The following ZFYVE9 variants were observed in gnomAD, a reference collection of about 807,000 sequenced individuals.
ZFYVE9 encodes the protein zinc finger FYVE domain-containing protein 9.
In ZFYVE9, 43 loss-of-function variants were observed where a neutral mutation model predicts 126.7. The observed-to-expected ratio is 0.34, with a 90% CI of 0.27 to 0.44. The LOEUF is 0.44. Ranked by LOEUF, ZFYVE9 falls within the 20% of genes least tolerant of loss-of-function variation. ZFYVE9 has a pLI of 1.00. For synonymous variants in ZFYVE9, 521 were observed against 597.4 expected (o/e 0.87, Z 1.87); for missense variants, 1,476 against 1,697.0 (o/e 0.87, Z 2.29).
intron 1 of ZFYVE9, among the ~76,000 whole-genome samples, chr1:52,168,876 A>G (rs1644538401): frequency 6.6e-6 from 1 of 152,062 alleles, no homozygotes; most frequent in Admixed American, 6.5e-5. Flanking sequence ...AATGTATTGA[A>G]ATTTTGTTGT....
chr1:52,265,493 T>C (rs1192763579), intron 5 of ZFYVE9, among the ~76,000 whole-genome samples: 1 of 152,232 alleles, frequency 6.6e-6, no homozygotes, highest in African/African-American at 2.4e-5. Context: ...TAAAATTTGG[T>C]ATCTTTCATT....
intron 1 of ZFYVE9, among the ~76,000 whole-genome samples, chr1:52,156,726 A>G (rs983609105): frequency 6.6e-6 from 1 of 152,210 alleles, no homozygotes; most frequent in Non-Finnish European, 1.5e-5. Flanking sequence ...CTACTGCTAT[A>G]ATAGGGCCAC....
At chr1:52,219,032 G>A (rs545825131) in intron 2 of ZFYVE9, among the ~76,000 whole-genome samples, 2 of 152,188 alleles carry the variant, frequency 1.3e-5, no homozygotes, top group East Asian at 1.9e-4. Context: ...TTAGGGCGGT[G>A]CGACCCTCTG....
At chr1:52,143,610 C>G (rs1050819137) in intron 1 of ZFYVE9, among the ~76,000 whole-genome samples, 2 of 152,176 alleles carry the variant, frequency 1.3e-5, no homozygotes, top group Non-Finnish European at 2.9e-5. Flanking sequence ...TGGGCTCGTA[C>G]TGACAGTGAT....
chr1:52,188,705 C>T (rs1644788101), intron 1 of ZFYVE9, among the ~76,000 whole-genome samples: 1 of 152,030 alleles, frequency 6.6e-6, no homozygotes, highest in African/African-American at 2.4e-5. Flanking sequence ...ATATAGTAGA[C>T]TGAGGTACAT....
intron 11 of ZFYVE9, among the ~76,000 whole-genome samples, 168 bp downstream of exon 11, chr1:52,293,845 T>C (rs923301801): frequency 2.6e-5 from 4 of 152,132 alleles, no homozygotes; most frequent in Non-Finnish European, 5.9e-5. Flanking sequence ...GCACTGAAAA[T>C]AACGAATGAG....
intron 1 of ZFYVE9, among the ~76,000 whole-genome samples, chr1:52,204,884 T>C (rs1013042782): frequency 2.0e-5 from 3 of 152,162 alleles, no homozygotes; most frequent in Non-Finnish European, 2.9e-5. Flanking sequence ...CCTTGAAGTT[T>C]TTAACTCGCA....
chr1:52,338,934 C>T (rs1646412177), intron 16 of ZFYVE9, among the ~76,000 whole-genome samples: 1 of 152,038 alleles, frequency 6.6e-6, no homozygotes, highest in South Asian at 2.1e-4. Flanking sequence ...TCACTTGAAT[C>T]GGGAGGCGGA....
chr1:52,296,765 A>G (rs1302478477), intron 12 of ZFYVE9, among the ~76,000 whole-genome samples: 5 of 151,988 alleles, frequency 3.3e-5, no homozygotes, highest in African/African-American at 7.3e-5. Context: ...CACTTTGACA[A>G]TGTTCCATAG....
At chr1:52,184,075 G>A (rs2124545743) in intron 1 of ZFYVE9, among the ~76,000 whole-genome samples, 1 of 151,322 alleles carries the variant, frequency 6.6e-6, no homozygotes, top group African/African-American at 2.4e-5. Flanking sequence ...ATGGAGTTAT[G>A]TCATAAATTC....
chr1:52,269,839 G>T (rs1157418721), intron 7 of ZFYVE9, among the ~76,000 whole-genome samples: 1 of 151,648 alleles, frequency 6.6e-6, no homozygotes, highest in Non-Finnish European at 1.5e-5. Context: ...CCAGGCTCCA[G>T]TATAGTGCCG....
At position 52,238,388 on chromosome 1, in the gene ZFYVE9, C is replaced by T; in HGVS notation, c.971C>T (p.Ala324Val). The T allele has an allele frequency of 1.9e-6, 3 of 1,613,920 alleles. No individual in the cohort carries two copies. Among genetic ancestry groups the T allele is most frequent in the East Asian group, 2.2e-5 (1 of 44,880 alleles). ...SEGILMKKEP[A>V]EESTTEESLR... Reference sequence around the variant, plus strand: ...GGGATTTTGATGAAAAAAGAGCCAGCAGAGGAGAGCACCACTGAAGAATCC... The same window carrying T: ...GGGATTTTGATGAAAAAAGAGCCAGTAGAGGAGAGCACCACTGAAGAATCC... Residue 324 changes from alanine to valine, a missense_variant, in exon 4 of 19, where the codon GCA becomes GTA. By Grantham distance (64) the Ala-to-Val change is moderately conservative. Coordinates refer to ENST00000287727, the MANE Select transcript of ZFYVE9 (RefSeq NM_004799.4).
At chr1:52,224,005 G>A (rs956003156) in intron 2 of ZFYVE9, among the ~76,000 whole-genome samples, 14 of 152,164 alleles carry the variant, frequency 9.2e-5, no homozygotes, top group African/African-American at 1.7e-4. Flanking sequence ...CAAAAGGGTC[G>A]TCTAACAGTG....
intron 1 of ZFYVE9, among the ~76,000 whole-genome samples, chr1:52,185,173 A>T (rs9661610): frequency 6.6e-6 from 1 of 152,178 alleles, no homozygotes; most frequent in Non-Finnish European, 1.5e-5. Flanking sequence ...CAACAATTTA[A>T]TACCTACTAG....
At chr1:52,272,825 C>A (rs1199522691) in intron 7 of ZFYVE9, among the ~76,000 whole-genome samples, 1 of 151,540 alleles carries the variant, frequency 6.6e-6, no homozygotes, top group Non-Finnish European at 1.5e-5. Context: ...ACACGCCCAG[C>A]TAATTTTTAT....
At chr1:52,266,415 A>T (rs1426164427) in intron 5 of ZFYVE9, among the ~76,000 whole-genome samples, 2 of 145,058 alleles carry the variant, frequency 1.4e-5, no homozygotes, top group African/African-American at 2.8e-5. Flanking sequence ...TAAAAAAAAA[A>T]AAAAAAAAAA....
intron 12 of ZFYVE9, among the ~76,000 whole-genome samples, chr1:52,301,977 A>G (rs1458316593): frequency 2.0e-5 from 3 of 152,144 alleles, no homozygotes; most frequent in Non-Finnish European, 4.4e-5. Context: ...AAACAATCTC[A>G]ATCAAATACT....
Position 52,238,865 on chromosome 1 carries a change from T to C in ZFYVE9, c.1448T>C (p.Met483Thr). The change falls in exon 4 of 19, where the codon ATG becomes ACG. Residue 483 changes from methionine to threonine, a missense_variant. Met to Thr is a moderately conservative substitution (Grantham distance 81). Transcript: ENST00000287727. ...TCTAATGGTTGTGATTCCTATGGAA[T>C]GCAAGACCCAGGTGTTTCTTTTGTT... ...YLSNGCDSYG[M>T]QDPGVSFVPK... is the part of the protein sequence containing the mutation. 6.2e-7 allele frequency: 1 copy of C among 1,614,132 alleles called. No individual in the cohort carries two copies. Among genetic ancestry groups the C allele is most frequent in the South Asian group, 1.1e-5 (1 of 91,084 alleles).
At chr1:52,278,738 T>C (rs1645773295) in intron 9 of ZFYVE9, 124 bp downstream of exon 9, 1 of 768,150 alleles carries the variant, frequency 1.3e-6, no homozygotes, top group Non-Finnish European at 2.0e-6. Flanking sequence ...TTTCTTTTTT[T>C]TTTTTTGAGA....
Sources: gnomAD v4.1 joint callset for allele counts (sites outside exome capture counted in the v4.1 genomes callset) on GRCh38, gnomAD v4.1.1 for gene constraint, MANE v1.5 for transcripts, NCBI Gene and HGNC (gene_info 2026-07-23, HGNC 2026-07-21) for gene names.